RBBP8: variants seen among roughly 807,000 people sequenced by gnomAD.
RBBP8 encodes RB binding protein 8, endonuclease.
Under a neutral mutation model 108.3 loss-of-function variants are expected in RBBP8, and 88 were observed. The ratio of observed to expected loss-of-function variants is 0.81; its 90% CI spans 0.68 to 0.97. The LOEUF (loss-of-function observed/expected upper bound fraction) is 0.97. Among genes scored for constraint, RBBP8 ranks in the 50% least tolerant of loss-of-function variants. The probability of loss-of-function intolerance (pLI) is 0.00; values close to 1 mark genes in which losing one functional copy is unlikely to be tolerated. For synonymous variants in RBBP8, 332 were observed against 348.2 expected, an observed-to-expected ratio of 0.95 and a Z score of 0.52; for missense variants, 1,023 against 1,049.0, an observed-to-expected ratio of 0.98 and a Z score of 0.34.
At chr18:23,024,261 T>C (rs958959364) in intron 18 of RBBP8, among the ~76,000 whole-genome samples, 1 of 152,114 alleles carries the variant, frequency 6.6e-6, no homozygotes, top group Non-Finnish European at 1.5e-5. Flanking sequence ...GTGGCACATA[T>C]AGTTCAAAAC....
At chr18:22,975,063 T>C in intron 5 of RBBP8, 90 bp from the exon 6 acceptor site, 2 of 1,407,984 alleles carry the variant, frequency 1.4e-6, no homozygotes, top group South Asian at 1.3e-5. Flanking sequence ...TACTAATTTC[T>C]TCATACATGC....
At chr18:22,929,508 G>GTT (rs1422881326), upstream of RBBP8, 1 of 43,810 alleles carries the variant, frequency 2.3e-5, no homozygotes, top group African/African-American at 7.2e-5. Context: ...GTGTGTGTGT[G>GTT]TGAAGAGACA....
intron 16 of RBBP8, among the ~76,000 whole-genome samples, chr18:23,010,959 A>G (rs976923177): frequency 1.8e-4 from 28 of 152,220 alleles, no homozygotes; most frequent in African/African-American, 5.1e-4. Context: ...AAGAAAGGAT[A>G]TGGCCAAAAT....
intron 18 of RBBP8, chr18:23,024,674 A>T (rs1193937519): frequency 1.3e-5 from 2 of 152,196 alleles, no homozygotes; most frequent in Non-Finnish European, 2.9e-5. Context: ...CTTTCCCTTC[A>T]TTCTCACTAC....
intron 3 of RBBP8, among the ~76,000 whole-genome samples, chr18:22,947,345 C>G (rs547891861): frequency 6.6e-6 from 1 of 151,998 alleles, no homozygotes; most frequent in East Asian, 1.9e-4. Context: ...ATAGTAGTTC[C>G]TATCCCTCCC....
At chr18:22,969,312 A>G (rs1347308111) in intron 5 of RBBP8, among the ~76,000 whole-genome samples, 3 of 152,076 alleles carry the variant, frequency 2.0e-5, no homozygotes, top group African/African-American at 7.2e-5. Flanking sequence ...GGTATTTATG[A>G]CATACTGTTT....
intron 18 of RBBP8, among the ~76,000 whole-genome samples, chr18:23,025,256 A>T (rs2046434716): frequency 6.6e-6 from 1 of 152,238 alleles, no homozygotes; most frequent in African/African-American, 2.4e-5. Flanking sequence ...CCCTGTTTCA[A>T]AAAAACAATT....
chr18:22,945,103 G>T (rs1024784152), intron 2 of RBBP8, among the ~76,000 whole-genome samples: 2 of 152,120 alleles, frequency 1.3e-5, no homozygotes, highest in African/African-American at 4.8e-5. Flanking sequence ...TCGGAAATCA[G>T]TCAACTAGTA....
rs1247868317 is a variant in RBBP8, at chr18:22,982,326, G to A, written c.537G>A (p.Lys179=). Residue 179 remains lysine, a synonymous_variant, in exon 7 of 19, where the codon AAG becomes AAA. Transcript: ENST00000327155. The stretch of plus-strand genomic sequence containing the variant: ...CTGGCGTTAACCGGCTACGAAGAAA[G>A]GAGAACCCCCATGTCCGATACATAG... The part of the protein sequence containing the change: ...SFSGVNRLRR[K]ENPHVRYIEQ... The A allele has an allele frequency of 1.9e-6, 3 of 1,614,180 alleles. No individual in the cohort carries two copies. Among genetic ancestry groups the A allele is most frequent in the Admixed American group, 3.3e-5 (2 of 60,026 alleles).
At chr18:22,968,977 A>T in intron 5 of RBBP8, 59 bp downstream of exon 5, 1 of 1,294,676 alleles carries the variant, frequency 7.7e-7, no homozygotes, top group Non-Finnish European at 1.1e-6. Context: ...TTTAAGACCT[A>T]TTAGTAAATT....
At chr18:22,940,042 T>G (rs1910936141) in intron 2 of RBBP8, among the ~76,000 whole-genome samples, 1 of 150,892 alleles carries the variant, frequency 6.6e-6, no homozygotes, top group Admixed American at 6.6e-5. Context: ...AATGGGAGAT[T>G]GGAGTTTTGG....
At chr18:23,005,271 A>C (rs1160601691) in intron 15 of RBBP8, among the ~76,000 whole-genome samples, 1 of 152,250 alleles carries the variant, frequency 6.6e-6, no homozygotes, top group Non-Finnish European at 1.5e-5. Flanking sequence ...AGATAGCTAA[A>C]AGCACAGATT....
At chr18:23,009,815 G>A (rs6650666) in intron 16 of RBBP8, among the ~76,000 whole-genome samples, 247 of 152,320 alleles carry the variant, frequency 1.6e-3, no homozygotes, top group African/African-American at 5.5e-3. Flanking sequence ...AGGCTAGGGT[G>A]CAGGGGCGCC....
intron 17 of RBBP8, among the ~76,000 whole-genome samples, chr18:23,019,983 C>T (rs924125837): frequency 1.9e-4 from 29 of 151,714 alleles, no homozygotes; most frequent in African/African-American, 6.8e-4. Context: ...AGGATGGTCT[C>T]GATCTCCTGA....
At chr18:22,959,870 C>CTTT (rs35259762) in intron 4 of RBBP8, among the ~76,000 whole-genome samples, 3,142 of 86,190 alleles carry the variant, frequency 0.036, 78 homozygotes, top group Middle Eastern at 0.075. Flanking sequence ...GATGAACTTT[C>CTTT]TTTTTTTTTT....
intron 4 of RBBP8, 34 bp downstream of exon 4, chr18:22,949,747 G>T (rs756021778): frequency 7.0e-7 from 1 of 1,438,430 alleles, no homozygotes; most frequent in South Asian, 1.1e-5. Flanking sequence ...AGTAAGAAGT[G>T]ATTTCCTCCA....
At chr18:22,948,058 A>C (rs1911718751) in intron 3 of RBBP8, among the ~76,000 whole-genome samples, 1 of 152,036 alleles carries the variant, frequency 6.6e-6, no homozygotes, top group Non-Finnish European at 1.5e-5. Context: ...TTCACTCCTT[A>C]AGAGTGAAAA....
chr18:22,945,424 G>A (rs1230574910), intron 2 of RBBP8, among the ~76,000 whole-genome samples: 1 of 151,538 alleles, frequency 6.6e-6, no homozygotes, highest in Admixed American at 6.6e-5. Flanking sequence ...TTTCGCTCTT[G>A]TTGCCCACGC....
chr18:23,016,908 G>T lies in RBBP8; in HGVS notation c.2438G>T (p.Cys813Phe), dbSNP rs1215726298. The change falls in exon 17 of 19, where the codon TGT becomes TTT. Residue 813 changes from cysteine (C) to phenylalanine (F), a missense_variant. Coordinates refer to ENST00000327155, the MANE Select transcript of RBBP8 (RefSeq NM_002894.3). ...AGAAGAAAACTGCTTGGGCACACGTGTAAGGAATGTGAAATTGTAAGTACT... is the reference window on the plus strand; with the variant it reads ...AGAAGAAAACTGCTTGGGCACACGTTTAAGGAATGTGAAATTGTAAGTACT... ...EERRKLLGHT[C>F]KECEIYYADM... 1.9e-6 allele frequency: 3 copies of T among 1,612,520 alleles called. No homozygotes were observed. The highest frequency in any genetic ancestry group is 1.7e-5 in the Admixed American group (1 of 59,988).
Sources: allele counts gnomAD v4.1 joint callset (sites outside exome capture counted in the v4.1 genomes callset), GRCh38; gene constraint gnomAD v4.1.1; transcripts MANE v1.5; gene names NCBI Gene and HGNC (gene_info 2026-07-23, HGNC 2026-07-21).